The following CCR5AS variants were observed in gnomAD, a reference collection of about 807,000 sequenced individuals.
CCR5AS encodes the protein CCR5 antisense RNA.
chr3:46,406,305 C>T lies in CCR5AS; in HGVS notation n.163+592G>A, dbSNP rs532180514. ...AAATTCTAAGCAAATAGGTCTGATC[C>T]CCAAATTAGGTTAGTCACAGCTGCT... On this transcript the variant is annotated intron_variant and non_coding_transcript_variant, in intron 1 of 3. Coordinates refer to ENST00000451485, the Ensembl canonical transcript of CCR5AS. Among the ~76,000 whole-genome samples, 97 of 152,018 alleles carry T rather than the reference C, an allele frequency of 6.4e-4. 1 individual carries two copies. The highest frequency in any genetic ancestry group is 2.3e-3 in the African/African-American group (95 of 41,432).
intron 2 of CCR5AS, chr3:46,375,726 A>C (rs1363151475): frequency 1.8e-5 from 3 of 166,868 alleles, no homozygotes; most frequent in Non-Finnish European, 2.9e-5. Context: ...GAAGCAACAG[A>C]AAAAATCGTC....
intron 1 of CCR5AS, among the ~76,000 whole-genome samples, chr3:46,398,210 G>C (rs1701977760): frequency 6.6e-6 from 1 of 151,848 alleles, no homozygotes; most frequent in African/African-American, 2.4e-5. Context: ...CCAAAACCCA[G>C]GCGCGGAAAA....
chr3:46,377,778 T>C (rs1351058180), intron 2 of CCR5AS, among the ~76,000 whole-genome samples: 3 of 152,052 alleles, frequency 2.0e-5, no homozygotes, highest in African/African-American at 7.2e-5. Context: ...CGATCTCGGC[T>C]CACTGCAACC....
intron 1 of CCR5AS, among the ~76,000 whole-genome samples, chr3:46,404,794 A>G (rs1702031928): frequency 6.6e-6 from 1 of 152,124 alleles, no homozygotes; most frequent in Non-Finnish European, 1.5e-5. Flanking sequence ...ATTTTTGCCT[A>G]TTTTGTCCAT....
At chr3:46,371,173 G>A (rs1030905450) in intron 3 of CCR5AS, 1 of 152,142 alleles carries the variant, frequency 6.6e-6, no homozygotes, top group Non-Finnish European at 1.5e-5. Context: ...TAACATCAAA[G>A]ATACAAAACA....
At chr3:46,403,604 C>G (rs907512831) in intron 1 of CCR5AS, among the ~76,000 whole-genome samples, 8 of 152,212 alleles carry the variant, frequency 5.3e-5, no homozygotes, top group Non-Finnish European at 1.5e-5. Context: ...CTGATCCACC[C>G]TTGTTGGAGG....
At position 46,403,989 on chromosome 3, in the gene CCR5AS, G is replaced by A. The variant is rs566442597; in HGVS notation, n.163+2908C>T. The stretch of plus-strand genomic sequence containing the variant: ...CCTCTTATGCCTTCTACAGCAACTG[G>A]CAAAGGAGAAATGTTTATGGGGTCC... On this transcript the variant is annotated intron_variant and non_coding_transcript_variant, in intron 1 of 3. Transcript: ENST00000451485. Among the ~76,000 whole-genome samples the A allele has an allele frequency of 5.3e-5, 8 of 152,292 alleles. No homozygotes were observed. The South Asian group carries it at 1.7e-3, about 32-fold the overall frequency.
rs56340326 is a variant in CCR5AS, at chr3:46,372,994, G to A, written n.392-1577C>T. The A allele has an allele frequency of 6.0e-5, 97 of 1,613,900 alleles. No homozygotes were observed. Among genetic ancestry groups the A allele is most frequent in the African/African-American group, 3.9e-4 (29 of 75,024 alleles). ...ATCAATGTGAAGCAAATCGCAGCCC[G>A]CCTCCTGCCTCCGCTCTACTCACTG... On this transcript the variant is annotated intron_variant and non_coding_transcript_variant, in intron 2 of 3. Coordinates refer to ENST00000451485, the Ensembl canonical transcript of CCR5AS.
At chr3:46,385,552 C>T (rs919050868) in intron 2 of CCR5AS, among the ~76,000 whole-genome samples, 2 of 152,110 alleles carry the variant, frequency 1.3e-5, no homozygotes, top group Non-Finnish European at 2.9e-5. Flanking sequence ...CTGGAACACT[C>T]ATGTTTGGTG....
intron 2 of CCR5AS, among the ~76,000 whole-genome samples, chr3:46,381,560 A>G (rs995086946): frequency 6.6e-6 from 1 of 152,242 alleles, no homozygotes. Context: ...TTGAAACTGC[A>G]TACCGCTGAA....
chr3:46,393,335 G>T (rs1375188187), intron 1 of CCR5AS, among the ~76,000 whole-genome samples: 2 of 151,768 alleles, frequency 1.3e-5, no homozygotes, highest in Non-Finnish European at 2.9e-5. Context: ...GTTGCTTCAG[G>T]CAATCTGGAT....
Position 46,385,081 on chromosome 3 carries a change from G to A in CCR5AS, n.391+7744C>T, listed in dbSNP as rs74376826. Among the ~76,000 whole-genome samples, 128 of 152,270 alleles carry A rather than the reference G, an allele frequency of 8.4e-4. 2 individuals carry two copies. In the East Asian group the frequency reaches 0.018, roughly 22 times the overall value. The stretch of plus-strand genomic sequence containing the variant: ...TGCCCTCCACTGGAGCAGAAGCAAA[G>A]CATATGGTGAAGGGGAACAAGGAGT... On this transcript the variant is annotated intron_variant and non_coding_transcript_variant, in intron 2 of 3. Coordinates refer to ENST00000451485, the Ensembl canonical transcript of CCR5AS.
intron 1 of CCR5AS, among the ~76,000 whole-genome samples, chr3:46,403,852 A>C (rs112903945): frequency 0.12 from 18,484 of 152,256 alleles, 1,272 homozygotes; most frequent in Non-Finnish European, 0.15. Flanking sequence ...TTCACTGAGG[A>C]GTGGGCACTG....
At chr3:46,383,119 G>C (rs34455547) in intron 2 of CCR5AS, among the ~76,000 whole-genome samples, 10,331 of 152,322 alleles carry the variant, frequency 0.068, 527 homozygotes, top group South Asian at 0.2. Context: ...TCTGCAGTGA[G>C]AGAGAAGCAC....
intron 1 of CCR5AS, among the ~76,000 whole-genome samples, chr3:46,401,359 C>T (rs1044824438): frequency 6.6e-6 from 1 of 152,112 alleles, no homozygotes; most frequent in African/African-American, 2.4e-5. Flanking sequence ...CCAAATCTTT[C>T]AAGATACAGA....
At chr3:46,406,962 G>C (rs1702054970) in exon 1 of CCR5AS, 1 of 152,244 alleles carries the variant, frequency 6.6e-6, no homozygotes, top group Non-Finnish European at 1.5e-5. Context: ...GCGAACACTG[G>C]TGAGAGGCCG....
At chr3:46,378,493 A>AG (rs1701783843) in intron 2 of CCR5AS, among the ~76,000 whole-genome samples, 1 of 151,958 alleles carries the variant, frequency 6.6e-6, no homozygotes, top group African/African-American at 2.4e-5. Flanking sequence ...TTCATGGAAG[A>AG]GTGTGAATCT....
chr3:46,369,121 G>A (rs573520116), intron 3 of CCR5AS, among the ~76,000 whole-genome samples: 1 of 152,108 alleles, frequency 6.6e-6, no homozygotes, highest in Admixed American at 6.5e-5. Context: ...CCCCGAGGGT[G>A]GGTGCCCAAA....
At chr3:46,401,581 T>TA (rs1388708632) in intron 1 of CCR5AS, among the ~76,000 whole-genome samples, 1 of 152,156 alleles carries the variant, frequency 6.6e-6, no homozygotes. Flanking sequence ...GGGATGGGCC[T>TA]ATCATAGTGT....
Sources: gnomAD v4.1 joint callset for allele counts (sites outside exome capture counted in the v4.1 genomes callset) on GRCh38, gnomAD v4.1.1 for gene constraint, MANE v1.5 for transcripts, NCBI Gene and HGNC (gene_info 2026-07-23, HGNC 2026-07-21) for gene names.